Variants in CHD9 observed in about 807,000 individuals in gnomAD.
CHD9 encodes the protein chromodomain helicase DNA binding protein 9.
In CHD9, 77 loss-of-function variants were observed where a neutral mutation model predicts 316.1. The observed-to-expected ratio is 0.24, with a 90% confidence interval of 0.20 to 0.29. The LOEUF (loss-of-function observed/expected upper bound fraction) is 0.29, where lower values mean the gene tolerates loss of function less well. Among genes scored for constraint, CHD9 ranks in the 10% least tolerant of loss-of-function variants. The probability of loss-of-function intolerance (pLI) is 1.00; values close to 1 mark genes in which losing one functional copy is unlikely to be tolerated. For missense variants in CHD9, 2,763 were observed against 3,438.1 expected (o/e 0.80, Z 4.91); for synonymous variants, 1,129 against 1,158.3 (o/e 0.97, Z 0.51).
intron 1 of CHD9, among the ~76,000 whole-genome samples, chr16:53,055,432 G>A (rs2031945414): frequency 6.6e-6 from 1 of 151,898 alleles, no homozygotes; most frequent in African/African-American, 2.4e-5. Flanking sequence ...TCTTAAACTT[G>A]TCTGCCCGTT....
intron 24 of CHD9, among the ~76,000 whole-genome samples, chr16:53,279,083 A>G (rs2053155374): frequency 6.6e-6 from 1 of 152,210 alleles, no homozygotes. Flanking sequence ...GGCACTATTC[A>G]CAACAGCAGA....
chr16:53,313,839 G>A (rs1427704704), intron 34 of CHD9, among the ~76,000 whole-genome samples: 1 of 151,744 alleles, frequency 6.6e-6, no homozygotes, highest in Non-Finnish European at 1.5e-5. Context: ...TGTAGTCCCA[G>A]CTACTTGGGA....
intron 2 of CHD9, among the ~76,000 whole-genome samples, chr16:53,182,500 A>G (rs1022647897): frequency 6.6e-6 from 1 of 152,192 alleles, no homozygotes; most frequent in Non-Finnish European, 1.5e-5. Context: ...AAGATACTTC[A>G]TGAAAATTGA....
In CHD9 at chr16:53,272,316, C is replaced by T. The variant is rs114168706; in HGVS notation, c.4718-1310C>T. On this transcript the variant is annotated intron_variant, in intron 22 of 38. Transcript: ENST00000447540. ...AGAAACTATAACAAGTATGAACTTA[C>T]ATACATCTAAAATAGTCTCAAAATG... 2.7e-3 allele frequency among the ~76,000 whole-genome samples: 411 copies of T among 151,134 alleles called. 5 individuals are homozygous for T. Among genetic ancestry groups the T allele is most frequent in the African/African-American group, 9.6e-3 (397 of 41,254 alleles).
chr16:53,277,754 T>C (rs2052998777), intron 24 of CHD9, among the ~76,000 whole-genome samples: 2 of 152,166 alleles, frequency 1.3e-5, no homozygotes, highest in Non-Finnish European at 2.9e-5. Context: ...CTGGAAGTCC[T>C]AGCCAGAGCA....
At chr16:53,115,587 AC>A (rs780441168) in intron 1 of CHD9, among the ~76,000 whole-genome samples, 3 of 152,190 alleles carry the variant, frequency 2.0e-5, no homozygotes, top group Non-Finnish European at 4.4e-5. Context: ...CCTGTTCAAA[AC>A]CAGGTCGGAT....
At chr16:53,278,055 C>T (rs896325870) in intron 24 of CHD9, among the ~76,000 whole-genome samples, 2 of 150,652 alleles carry the variant, frequency 1.3e-5, no homozygotes, top group Non-Finnish European at 3.0e-5. Flanking sequence ...TAACCAAGGA[C>T]GTGAAAGCTC....
intron 1 of CHD9, among the ~76,000 whole-genome samples, chr16:53,151,737 T>C (rs1352738178): frequency 6.6e-6 from 1 of 152,260 alleles, no homozygotes; most frequent in East Asian, 1.9e-4. Context: ...TCTATTTTGT[T>C]ACTTTTAAGA....
At chr16:53,254,048 G>T (rs899130209) in intron 17 of CHD9, among the ~76,000 whole-genome samples, 3 of 152,042 alleles carry the variant, frequency 2.0e-5, no homozygotes, top group African/African-American at 7.2e-5. Context: ...GTGGTGGCAG[G>T]TGCTTGTAAT....
chr16:53,222,165 CT>C (rs2047299262), intron 3 of CHD9, among the ~76,000 whole-genome samples: 1 of 152,142 alleles, frequency 6.6e-6, no homozygotes. Flanking sequence ...CAACCTCCGC[CT>C]CCCGGGCTCA....
At chr16:53,249,508 C>G (rs1313354155) in intron 16 of CHD9, among the ~76,000 whole-genome samples, 1 of 152,118 alleles carries the variant, frequency 6.6e-6, no homozygotes, top group Non-Finnish European at 1.5e-5. Flanking sequence ...CATTCATAGC[C>G]TTCTTGTATA....
chr16:53,197,959 C>T (rs1945302382), intron 2 of CHD9, among the ~76,000 whole-genome samples: 3 of 152,038 alleles, frequency 2.0e-5, no homozygotes, highest in African/African-American at 7.2e-5. Flanking sequence ...TGCCCGGCCT[C>T]CCTAGCATTT....
chr16:53,148,525 T>C (rs920135492), intron 1 of CHD9, among the ~76,000 whole-genome samples: 6 of 152,264 alleles, frequency 3.9e-5, no homozygotes, highest in African/African-American at 1.4e-4. Context: ...TTGTTGTTTA[T>C]TTTTTATACC....
chr16:53,311,123 T>C (rs9788792), intron 34 of CHD9: 18,156 of 149,822 alleles, frequency 0.12, 1,280 homozygotes, highest in South Asian at 0.23. Context: ...GAGGAATACC[T>C]GAGCCATGGT....
intron 2 of CHD9, among the ~76,000 whole-genome samples, chr16:53,186,730 C>G (rs111295736): frequency 0.032 from 4,927 of 152,224 alleles, 95 homozygotes; most frequent in Middle Eastern, 0.072. Flanking sequence ...TTTTCCCCAT[C>G]CTGTTCTTGT....
rs957915473 is a variant in CHD9, at chr16:53,327,406, G to C, written c.*2511G>C. The C allele has an allele frequency of 2.4e-4, 36 of 152,472 alleles. No individual in the cohort carries two copies. The highest frequency in any genetic ancestry group is 8.5e-4 in the Admixed American group (13 of 15,242). The allele number at this position is 152,472 out of a possible 1,614,324, so 9.4% of individuals were successfully genotyped here. ...TGTAGTTGAGCAAACGTCTTAAAAA[G>C]TCATTTGTAATTTATTAAATTACTT... On this transcript the variant is annotated 3_prime_UTR_variant, in exon 39 of 39. Coordinates refer to ENST00000447540, the MANE Select transcript of CHD9 (RefSeq NM_001308319.2).
chr16:53,126,821 G>A (rs1302530567), intron 1 of CHD9, among the ~76,000 whole-genome samples: 5 of 152,076 alleles, frequency 3.3e-5, no homozygotes, highest in Non-Finnish European at 7.4e-5. Context: ...TAGGATTACA[G>A]GCATGTGCCA....
intron 1 of CHD9, among the ~76,000 whole-genome samples, chr16:53,120,253 A>T (rs12925095): frequency 0.75 from 112,450 of 149,152 alleles, 42,770 homozygotes; most frequent in African/African-American, 0.91. Flanking sequence ...AAATAAAAAA[A>T]TTTTTTTAAA....
chr16:53,275,433 C>T (rs915505477), intron 24 of CHD9, among the ~76,000 whole-genome samples: 3 of 152,138 alleles, frequency 2.0e-5, no homozygotes, highest in African/African-American at 7.2e-5. Flanking sequence ...AATACAAAGA[C>T]AAAACACAGT....
Sources: gnomAD v4.1 joint callset for allele counts (sites outside exome capture counted in the v4.1 genomes callset) on GRCh38, gnomAD v4.1.1 for gene constraint, MANE v1.5 for transcripts, NCBI Gene and HGNC (gene_info 2026-07-23, HGNC 2026-07-21) for gene names.